PMFBP1: variants seen among roughly 807,000 people sequenced by gnomAD.
PMFBP1 encodes the protein polyamine modulated factor 1 binding protein 1.
A neutral mutation model predicts 137.8 loss-of-function variants in PMFBP1; 131 were observed. The observed-to-expected ratio is 0.95, with a 90% CI of 0.82 to 1.10. PMFBP1 has a LOEUF of 1.10. PMFBP1 is among the 50% of genes least tolerant of loss of function. The probability of loss-of-function intolerance (pLI) is 0.00; values close to 1 mark genes in which losing one functional copy is unlikely to be tolerated. For synonymous variants in PMFBP1, 490 were observed against 450.4 expected (o/e 1.09, Z -1.11); for missense variants, 1,199 against 1,175.4 (o/e 1.02, Z -0.29).
the PMFBP1 span, among the ~76,000 whole-genome samples, chr16:72,236,448 A>G: frequency 6.6e-6 from 1 of 152,206 alleles, no homozygotes; most frequent in Admixed American, 6.5e-5. Flanking sequence ...GGATTGAAAA[A>G]TGTAACTATT....
At chr16:72,150,886 G>C (rs1037498814) in intron 4 of PMFBP1, 57 bp from the exon 5 acceptor site, 2 of 1,465,068 alleles carry the variant, frequency 1.4e-6, no homozygotes, top group East Asian at 2.3e-5. Flanking sequence ...ATGAGGAAAG[G>C]ATGCGGTTGT....
At chr16:72,248,912 C>G in the PMFBP1 span, among the ~76,000 whole-genome samples, 8 of 152,210 alleles carry the variant, frequency 5.3e-5, no homozygotes, top group Non-Finnish European at 7.4e-5. Flanking sequence ...GAAGACTCAC[C>G]GAGTGCAGAG....
At chr16:72,146,922 C>A (rs1010633508) in intron 5 of PMFBP1, among the ~76,000 whole-genome samples, 2 of 152,122 alleles carry the variant, frequency 1.3e-5, no homozygotes, top group African/African-American at 4.8e-5. Flanking sequence ...TAGGAAGAAT[C>A]AATATCATGA....
chr16:72,121,397 T>G (rs2042375378), intron 19 of PMFBP1, among the ~76,000 whole-genome samples: 1 of 152,172 alleles, frequency 6.6e-6, no homozygotes. Context: ...CCCATACAGC[T>G]CATCCACATC....
chr16:72,225,396 A>C, the PMFBP1 span, among the ~76,000 whole-genome samples: 2 of 152,126 alleles, frequency 1.3e-5, no homozygotes, highest in African/African-American at 4.8e-5. Context: ...AAAGAAGTCA[A>C]TAGACCCCAC....
At chr16:72,217,761 G>A in the PMFBP1 span, among the ~76,000 whole-genome samples, 7 of 152,152 alleles carry the variant, frequency 4.6e-5, no homozygotes, top group Admixed American at 2.6e-4. Context: ...GCTGAGGCAG[G>A]AGAATTGCTT....
chr16:72,185,365 G>A, the PMFBP1 span, among the ~76,000 whole-genome samples: 23 of 151,780 alleles, frequency 1.5e-4, no homozygotes, highest in African/African-American at 1.2e-4. Flanking sequence ...CCTTCTTTAC[G>A]TTTCCCGCCA....
chr16:72,136,523 G>A lies in PMFBP1; in HGVS notation c.1128C>T (p.Thr376=). Residue 376 remains threonine, a synonymous_variant, in exon 9 of 21, where the codon ACC becomes ACT. Coordinates refer to ENST00000237353, the MANE Select transcript of PMFBP1 (RefSeq NM_031293.3). ...GCTCCTGCAGCCGGCACTGCAGGATGGTGATGTCCTTATCCTTCCTCTCAA... is the reference window on the plus strand; with the variant it reads ...GCTCCTGCAGCCGGCACTGCAGGATAGTGATGTCCTTATCCTTCCTCTCAA... ...AHIERKDKDI[T]ILQCRLQELQ... 6.2e-7 allele frequency: 1 copy of A among 1,614,054 alleles called. No individual in the cohort carries two copies. The highest frequency in any genetic ancestry group is 8.5e-7 in the Non-Finnish European group (1 of 1,180,002).
chr16:72,119,827 T>A, intron 20 of PMFBP1, 24 bp downstream of exon 20: 15 of 1,606,350 alleles, frequency 9.3e-6, no homozygotes, highest in Non-Finnish European at 1.2e-5. Flanking sequence ...TCACACTTAT[T>A]TTTTTGACAA....
At chr16:72,207,003 C>T in the PMFBP1 span, among the ~76,000 whole-genome samples, 2 of 151,912 alleles carry the variant, frequency 1.3e-5, no homozygotes, top group African/African-American at 4.8e-5. Context: ...CTCCAATGGC[C>T]TGGAGCTCCA....
At chr16:72,202,021 C>T in the PMFBP1 span, among the ~76,000 whole-genome samples, 1 of 152,192 alleles carries the variant, frequency 6.6e-6, no homozygotes, top group Admixed American at 6.5e-5. Flanking sequence ...CATGTCCTAT[C>T]ATCATATTAG....
rs749016555 is a variant in PMFBP1, at chr16:72,122,907, G to GACTT, written c.2768+3_2768+6dup. 1 of 1,612,022 alleles carries GACTT rather than the reference G, an allele frequency of 6.2e-7. No individual in the cohort carries two copies. Among genetic ancestry groups the GACTT allele is most frequent in the Non-Finnish European group, 8.5e-7 (1 of 1,179,214 alleles). On this transcript the variant is annotated splice_region_variant and intron_variant, in intron 19 of 20. Transcript: ENST00000237353. Reference sequence around the variant, plus strand: ...GGAAGCAGCCAGGGTGGTTTAAGATGACTTACTCCTTTTCGCCACTCAGCT... The same window carrying GACTT: ...GGAAGCAGCCAGGGTGGTTTAAGATGACTTACTTACTCCTTTTCGCCACTCAGCT...
At chr16:72,120,507 C>CA (rs1297002269) in intron 19 of PMFBP1, among the ~76,000 whole-genome samples, 3 of 152,202 alleles carry the variant, frequency 2.0e-5, no homozygotes, top group Non-Finnish European at 2.9e-5. Context: ...GAAACACTCT[C>CA]ACCCAGCACC....
At chr16:72,124,455 G>C (rs1448347575) in intron 17 of PMFBP1, among the ~76,000 whole-genome samples, 1 of 152,242 alleles carries the variant, frequency 6.6e-6, no homozygotes, top group Non-Finnish European at 1.5e-5. Flanking sequence ...GTAGGGTCCA[G>C]GGCTGCCAAA....
the PMFBP1 span, among the ~76,000 whole-genome samples, chr16:72,235,494 C>CT: frequency 0.013 from 1,819 of 136,170 alleles, 22 homozygotes; most frequent in South Asian, 0.055. Context: ...TTTGGCCATT[C>CT]TTTTTTTTTT....
At chr16:72,228,356 C>A in the PMFBP1 span, among the ~76,000 whole-genome samples, 2 of 152,184 alleles carry the variant, frequency 1.3e-5, no homozygotes, top group African/African-American at 4.8e-5. Flanking sequence ...TATTCCCTTA[C>A]GATTTTGTTA....
chr16:72,248,782 A>G, the PMFBP1 span, among the ~76,000 whole-genome samples: 1 of 152,128 alleles, frequency 6.6e-6, no homozygotes, highest in South Asian at 2.1e-4. Context: ...AGCAAACTAA[A>G]CACAGCCATT....
the PMFBP1 span, among the ~76,000 whole-genome samples, chr16:72,199,146 C>T: frequency 6.6e-6 from 1 of 152,190 alleles, no homozygotes; most frequent in Non-Finnish European, 1.5e-5. Context: ...GGTCACCTCT[C>T]CCCTGTCGGT....
chr16:72,225,341 C>A, the PMFBP1 span, among the ~76,000 whole-genome samples: 84 of 152,236 alleles, frequency 5.5e-4, no homozygotes, highest in African/African-American at 1.9e-3. Context: ...CGAGGTCAAG[C>A]TTACCACCTT....
Sources: allele counts gnomAD v4.1 joint callset (sites outside exome capture counted in the v4.1 genomes callset), GRCh38; gene constraint gnomAD v4.1.1; transcripts MANE v1.5; gene names NCBI Gene and HGNC (gene_info 2026-07-23, HGNC 2026-07-21).